Variants in IRAK4 observed in about 807,000 individuals in gnomAD.
IRAK4 encodes interleukin-1 receptor-associated kinase 4.
A neutral mutation model predicts 51.8 loss-of-function variants in IRAK4; 44 were observed. The ratio of observed to expected loss-of-function variants is 0.85; its 90% CI spans 0.67 to 1.09. The LOEUF is 1.09. Among genes scored for constraint, IRAK4 ranks in the 50% least tolerant of loss-of-function variants. IRAK4 has a pLI of 0.00. For missense variants in IRAK4, 487 were observed against 538.0 expected, an observed-to-expected ratio of 0.91 and a Z score of 0.94; for synonymous variants, 149 against 174.1, an observed-to-expected ratio of 0.86 and a Z score of 1.13.
intron 1 of IRAK4, among the ~76,000 whole-genome samples, chr12:43,765,028 A>G (rs1259210391): frequency 1.3e-5 from 2 of 152,272 alleles, no homozygotes; most frequent in African/African-American, 4.8e-5. Flanking sequence ...GTGCTTTAGG[A>G]TCATACTCGT....
chr12:43,778,944 A>G (rs1184895655), intron 8 of IRAK4, among the ~76,000 whole-genome samples: 1 of 152,202 alleles, frequency 6.6e-6, no homozygotes, highest in Non-Finnish European at 1.5e-5. Context: ...TTCTAGGCAG[A>G]AGGAACTGCA....
chr12:43,771,575 A>G (rs1788312846), intron 3 of IRAK4, among the ~76,000 whole-genome samples: 1 of 152,238 alleles, frequency 6.6e-6, no homozygotes, highest in Non-Finnish European at 1.5e-5. Context: ...AAGCTTCGTA[A>G]GAGTTAGATA....
At chr12:43,778,803 A>G (rs540045827) in intron 8 of IRAK4, among the ~76,000 whole-genome samples, 3 of 151,994 alleles carry the variant, frequency 2.0e-5, no homozygotes, top group East Asian at 1.9e-4. Flanking sequence ...ATTATATAGT[A>G]TAGTACATAG....
chr12:43,786,234 T>C (rs1262500991), intron 10 of IRAK4, among the ~76,000 whole-genome samples, 165 bp from the exon 11 acceptor site: 1 of 152,058 alleles, frequency 6.6e-6, no homozygotes, highest in Non-Finnish European at 1.5e-5. Context: ...GGTTTCACCA[T>C]GTTGCCCAGG....
At chr12:43,767,469 G>A (rs1316577888) in intron 1 of IRAK4, among the ~76,000 whole-genome samples, 2 of 152,198 alleles carry the variant, frequency 1.3e-5, no homozygotes, top group Admixed American at 6.5e-5. Context: ...TCTGTCTAGA[G>A]AGTAGTTGAA....
At chr12:43,772,758 A>G (rs1262103484) in intron 4 of IRAK4, among the ~76,000 whole-genome samples, 154 bp from the exon 5 acceptor site, 1 of 152,170 alleles carries the variant, frequency 6.6e-6, no homozygotes. Context: ...AAAAACTTAT[A>G]ATTTGTATTT....
At chr12:43,764,333 A>G (rs1015157513) in intron 1 of IRAK4, among the ~76,000 whole-genome samples, 3 of 152,222 alleles carry the variant, frequency 2.0e-5, no homozygotes, top group African/African-American at 7.2e-5. Flanking sequence ...CTGAGGCAGG[A>G]GAATCGCTTA....
chr12:43,771,660 T>C (rs1391746973), intron 3 of IRAK4, among the ~76,000 whole-genome samples: 3 of 152,210 alleles, frequency 2.0e-5, no homozygotes, highest in Non-Finnish European at 4.4e-5. Context: ...TAATTATAAT[T>C]TTGAGTTCTT....
rs1268869810 is a variant in IRAK4, at chr12:43,771,325, C to T, written c.267C>T (p.Ile89=). 1 of 1,614,022 alleles carries T rather than the reference C, an allele frequency of 6.2e-7. No individual in the cohort carries two copies. The highest frequency in any genetic ancestry group is 1.7e-5 in the Admixed American group (1 of 59,988). ...CTVGDLVDLL[I]QNEFFAPASL... is the part of the protein sequence containing the mutation. ...TTGGTGATCTTGTGGATCTTTTGAT[C>T]CAAAATGAATTTTTTGCTCCTGCGA... is the stretch of plus-strand genomic sequence containing the variant. The change falls in exon 3 of 12, where the codon ATC becomes ATT. Residue 89 remains isoleucine (I), a synonymous_variant. Transcript: ENST00000613694.
Position 43,768,290 on chromosome 12 carries a change from T to C in IRAK4, c.161+18T>C, listed in dbSNP as rs374419823. 2 of 1,580,050 alleles carry C rather than the reference T, an allele frequency of 1.3e-6. No homozygotes were observed. Among genetic ancestry groups the C allele is most frequent in the African/African-American group, 2.7e-5 (2 of 74,084 alleles). On this transcript the variant is annotated intron_variant, in intron 2 of 11. Coordinates refer to ENST00000613694, the MANE Select transcript of IRAK4 (RefSeq NM_016123.4). ...CACATAAGGTAACAGATAAAATTCT[T>C]TGTATTTTTAAATTCTTACATCACA...
chr12:43,771,815 AC>A (rs370978734), intron 3 of IRAK4, among the ~76,000 whole-genome samples: 12 of 152,180 alleles, frequency 7.9e-5, no homozygotes, highest in African/African-American at 9.6e-5. Flanking sequence ...GTGGTTCTCA[AC>A]CTTTATCATG....
At chr12:43,782,187 C>CAT (rs1258614623) in intron 8 of IRAK4, 120 bp from the exon 9 acceptor site, 15 of 667,882 alleles carry the variant, frequency 2.2e-5, no homozygotes, top group Non-Finnish European at 3.5e-5. Context: ...TATGTATGTA[C>CAT]ATATGCATGT....
chr12:43,776,229 G>T lies in IRAK4; in HGVS notation c.717-1401G>T, dbSNP rs1330378396. 2.0e-5 allele frequency among the ~76,000 whole-genome samples: 3 copies of T among 152,112 alleles called. No homozygotes were observed. The East Asian group carries it at 5.8e-4, about 29-fold the overall frequency. On this transcript the variant is annotated intron_variant, in intron 6 of 11. Coordinates refer to ENST00000613694, the MANE Select transcript of IRAK4 (RefSeq NM_016123.4). ...GGATCTTACTAGCAGAATGAACTTG[G>T]CCAAGTTTTTTAACTTTCTATTCGT...
intron 1 of IRAK4, chr12:43,763,224 A>G (rs1939751631): frequency 6.6e-6 from 1 of 152,224 alleles, no homozygotes; most frequent in Non-Finnish European, 1.5e-5. Flanking sequence ...TTAGTGTAGT[A>G]TCAAAGAGAA....
At chr12:43,766,240 G>A (rs937388651) in intron 1 of IRAK4, among the ~76,000 whole-genome samples, 5 of 152,014 alleles carry the variant, frequency 3.3e-5, no homozygotes, top group African/African-American at 1.2e-4. Flanking sequence ...GCATCCTGTG[G>A]TCCAGCCATA....
chr12:43,759,693 AC>A (rs1267161284), intron 1 of IRAK4: 1 of 152,252 alleles, frequency 6.6e-6, no homozygotes, highest in Non-Finnish European at 1.5e-5. Flanking sequence ...ACATGGTGAA[AC>A]CCCTGTCTCT....
intron 2 of IRAK4, among the ~76,000 whole-genome samples, chr12:43,770,373 G>A (rs1940621315): frequency 6.6e-6 from 1 of 152,072 alleles, no homozygotes; most frequent in African/African-American, 2.4e-5. Flanking sequence ...ATTGCTAGTA[G>A]ATTAAGAATA....
chr12:43,764,009 C>G (rs1939854494), intron 1 of IRAK4, among the ~76,000 whole-genome samples: 1 of 152,152 alleles, frequency 6.6e-6, no homozygotes, highest in Non-Finnish European at 1.5e-5. Context: ...CCTTTCCATT[C>G]TAAGCATTCC....
At chr12:43,769,496 C>CA (rs904396076) in intron 2 of IRAK4, among the ~76,000 whole-genome samples, 2 of 151,998 alleles carry the variant, frequency 1.3e-5, no homozygotes, top group Non-Finnish European at 2.9e-5. Flanking sequence ...CCCATCACTA[C>CA]AAAAAATTAG....
Sources: allele counts gnomAD v4.1 joint callset (sites outside exome capture counted in the v4.1 genomes callset), GRCh38; gene constraint gnomAD v4.1.1; transcripts MANE v1.5; gene names NCBI Gene and HGNC (gene_info 2026-07-23, HGNC 2026-07-21).